The following FAM171A1 variants were observed in gnomAD, a reference collection of about 807,000 sequenced individuals.
FAM171A1 encodes family with sequence similarity 171 member A1.
A neutral mutation model predicts 74.9 loss-of-function variants in FAM171A1; 23 were observed. The ratio of observed to expected loss-of-function variants is 0.31; its 90% CI spans 0.22 to 0.44. The LOEUF (loss-of-function observed/expected upper bound fraction) is 0.44. FAM171A1 is among the 20% of genes least tolerant of loss of function. The pLI is 1.00. For synonymous variants in FAM171A1, 527 were observed against 505.7 expected (o/e 1.04, Z -0.57); for missense variants, 1,162 against 1,159.2 (o/e 1.00, Z -0.03).
chr10:15,373,307 A>G (rs567882816), upstream of FAM171A1, among the ~76,000 whole-genome samples: 1 of 152,316 alleles, frequency 6.6e-6, no homozygotes, highest in Admixed American at 6.5e-5. Flanking sequence ...TATGGCATCA[A>G]AGTTCCTAAT....
chr10:15,248,601 A>G, intron 5 of FAM171A1, 38 bp downstream of exon 5: 1 of 1,555,750 alleles, frequency 6.4e-7, no homozygotes, highest in Non-Finnish European at 8.7e-7. Context: ...TAACGAAGCC[A>G]TCTGGTAGCC....
At chr10:15,216,494 A>C (rs930465006) in intron 6 of FAM171A1, among the ~76,000 whole-genome samples, 7 of 151,920 alleles carry the variant, frequency 4.6e-5, no homozygotes, top group Admixed American at 4.6e-4. Flanking sequence ...GCAGTGATAC[A>C]ATCATGGCTT....
intron 1 of FAM171A1, among the ~76,000 whole-genome samples, chr10:15,359,067 T>A (rs1314598328): frequency 1.3e-5 from 2 of 152,206 alleles, no homozygotes; most frequent in Admixed American, 1.3e-4. Flanking sequence ...AGATGATCTG[T>A]CAAGCTCCTT....
At chr10:15,297,798 C>T (rs553013459) in intron 1 of FAM171A1, among the ~76,000 whole-genome samples, 2 of 152,296 alleles carry the variant, frequency 1.3e-5, no homozygotes, top group African/African-American at 4.8e-5. Context: ...ATAAGTTAAA[C>T]AGCAGAAGTT....
chr10:15,313,564 A>G lies in FAM171A1; in HGVS notation c.98-29459T>C, dbSNP rs143455433. Among the ~76,000 whole-genome samples the G allele has an allele frequency of 1.3e-4, 20 of 152,330 alleles. 1 individual carries two copies. Among genetic ancestry groups the G allele is most frequent in the African/African-American group, 4.3e-4 (18 of 41,580 alleles). On this transcript the variant is annotated intron_variant, in intron 1 of 7. Transcript: ENST00000378116. ...TACTGTAACAAGTCAGCTTTCTTAC[A>G]ATAAAGGAACTGACCACTTAGAAAA...
intron 1 of FAM171A1, among the ~76,000 whole-genome samples, chr10:15,332,379 G>C (rs1248644577): frequency 6.6e-6 from 1 of 152,142 alleles, no homozygotes; most frequent in Non-Finnish European, 1.5e-5. Context: ...TGGACTTTGA[G>C]AAATGCCCAA....
At chr10:15,227,410 G>T (rs45516105) in intron 5 of FAM171A1, among the ~76,000 whole-genome samples, 37,014 of 151,748 alleles carry the variant, frequency 0.24, 5,485 homozygotes, top group South Asian at 0.4. Flanking sequence ...TTGAGACAGG[G>T]TCTTGTTCTG....
chr10:15,268,198 T>C (rs1262684103), intron 3 of FAM171A1, among the ~76,000 whole-genome samples: 2 of 151,376 alleles, frequency 1.3e-5, no homozygotes, highest in Non-Finnish European at 2.9e-5. Flanking sequence ...GTGGAAGGGG[T>C]TGGATTTTAT....
chr10:15,267,768 C>T (rs1331326921), intron 3 of FAM171A1, among the ~76,000 whole-genome samples: 2 of 152,108 alleles, frequency 1.3e-5, no homozygotes, highest in Non-Finnish European at 2.9e-5. Context: ...GCTGTCAGGG[C>T]CAGCAGGGTG....
chr10:15,340,031 C>T (rs532375602), intron 1 of FAM171A1, among the ~76,000 whole-genome samples: 24 of 152,254 alleles, frequency 1.6e-4, no homozygotes, highest in African/African-American at 5.5e-4. Flanking sequence ...CCACTGGGTC[C>T]CTCCCACAAC....
chr10:15,331,859 G>GTATACATATA lies in FAM171A1; in HGVS notation c.97+39096_97+39097insTATATGTATA, dbSNP rs58855042. ...TATATATGTGTGTATATATATGTGT[G>GTATACATATA]TATATATATGTGTGTGTATACATAT... On this transcript the variant is annotated intron_variant, in intron 1 of 7. Transcript: ENST00000378116. Among the ~76,000 whole-genome samples, 63 of 44,914 alleles carry GTATACATATA rather than the reference G, an allele frequency of 1.4e-3. 3 individuals are homozygous for GTATACATATA. In the East Asian group the frequency reaches 0.014, roughly 10 times the overall value. The allele number at this position is 44,914 out of a possible 152,430, so 29.5% of individuals were successfully genotyped here. A position where few individuals can be genotyped will look rare whatever the true frequency, so the allele number is the denominator to read the frequency against.
chr10:15,337,690 T>C (rs1835719742), intron 1 of FAM171A1, among the ~76,000 whole-genome samples: 1 of 152,016 alleles, frequency 6.6e-6, no homozygotes, highest in Non-Finnish European at 1.5e-5. Flanking sequence ...GGCTTACGCC[T>C]GCAATCCCAG....
intron 2 of FAM171A1, among the ~76,000 whole-genome samples, chr10:15,279,476 G>A (rs1032006418): frequency 3.3e-5 from 5 of 152,106 alleles, no homozygotes; most frequent in African/African-American, 9.7e-5. Flanking sequence ...CATCACAGAG[G>A]GGAGGCTGAT....
rs111997794 is a variant in FAM171A1 at position 15,295,306 on chromosome 10, T to C, written c.98-11201A>G. On this transcript the variant is annotated intron_variant, in intron 1 of 7. Transcript: ENST00000378116. ...CCTTTTGTTATTTTTCTATAAACGATAGGATGCATTTAGTTTATAACTTTG... is the reference window on the plus strand; with the variant it reads ...CCTTTTGTTATTTTTCTATAAACGACAGGATGCATTTAGTTTATAACTTTG... Among the ~76,000 whole-genome samples the C allele has an allele frequency of 4.2e-3, 642 of 152,284 alleles. 1 individual carries two copies. The highest frequency in any genetic ancestry group is 0.014 in the African/African-American group (583 of 41,564).
intron 5 of FAM171A1, among the ~76,000 whole-genome samples, chr10:15,224,478 C>T (rs938916522): frequency 2.0e-5 from 3 of 152,044 alleles, no homozygotes; most frequent in Admixed American, 1.3e-4. Context: ...TCTCTTCTAC[C>T]CCTGATAGGG....
In FAM171A1 at chr10:15,350,246, C is replaced by T. The variant is rs986645946; in HGVS notation, c.97+20710G>A. ...CTTAGTTGTGGCTGATGTCTTTACTCCCTTGTCCCATCCAAAAGCTACAAT... is the reference window on the plus strand; with the variant it reads ...CTTAGTTGTGGCTGATGTCTTTACTTCCTTGTCCCATCCAAAAGCTACAAT... On this transcript the variant is annotated intron_variant, in intron 1 of 7. Transcript: ENST00000378116. 1.1e-3 allele frequency among the ~76,000 whole-genome samples: 163 copies of T among 152,258 alleles called. 1 individual carries two copies. The highest frequency in any genetic ancestry group is 3.9e-3 in the African/African-American group (161 of 41,542).
intron 5 of FAM171A1, among the ~76,000 whole-genome samples, chr10:15,235,904 C>T (rs929887216): frequency 4.6e-5 from 7 of 152,096 alleles, no homozygotes; most frequent in South Asian, 2.1e-4. Context: ...TACCCATCCT[C>T]GGGGTCCTCA....
chr10:15,297,391 C>T (rs138075843), intron 1 of FAM171A1, among the ~76,000 whole-genome samples: 3,569 of 152,200 alleles, frequency 0.023, 62 homozygotes, highest in Middle Eastern at 0.048. Flanking sequence ...TTACACATAA[C>T]GTACTCTTTC....
intron 3 of FAM171A1, among the ~76,000 whole-genome samples, chr10:15,270,933 G>A (rs1473139949): frequency 6.6e-6 from 1 of 152,168 alleles, no homozygotes; most frequent in Non-Finnish European, 1.5e-5. Flanking sequence ...GGAGAAACCA[G>A]AGCAGAAAAG....
Sources: gnomAD v4.1 joint callset for allele counts (sites outside exome capture counted in the v4.1 genomes callset) on GRCh38, gnomAD v4.1.1 for gene constraint, MANE v1.5 for transcripts, NCBI Gene and HGNC (gene_info 2026-07-23, HGNC 2026-07-21) for gene names.